IGF2BP3: variants seen among roughly 807,000 people sequenced by gnomAD.
IGF2BP3 encodes the protein insulin like growth factor 2 mRNA binding protein 3.
A neutral mutation model predicts 73.8 loss-of-function variants in IGF2BP3; 9 were observed. The observed-to-expected ratio is 0.12, with a 90% CI of 0.07 to 0.21. IGF2BP3 has a LOEUF of 0.21. IGF2BP3 is among the 10% of genes least tolerant of loss of function. The pLI is 1.00. For synonymous variants in IGF2BP3, 258 were observed against 256.7 expected, an observed-to-expected ratio of 1.01 and a Z score of -0.05; for missense variants, 542 against 714.0, an observed-to-expected ratio of 0.76 and a Z score of 2.75.
chr7:23,383,511 A>C (rs1785979047), intron 3 of IGF2BP3, among the ~76,000 whole-genome samples: 1 of 152,218 alleles, frequency 6.6e-6, no homozygotes, highest in South Asian at 2.1e-4. Flanking sequence ...AAGAGATTAG[A>C]ACCATCTTAT....
At chr7:23,317,914 CG>C in intron 11 of IGF2BP3, 1 of 580,644 alleles carries the variant, frequency 1.7e-6, no homozygotes, top group South Asian at 2.1e-5. Flanking sequence ...TATTCTGTGC[CG>C]GGCCCTAATG....
At chr7:23,446,300 T>G (rs34113317) in intron 2 of IGF2BP3, among the ~76,000 whole-genome samples, 56,055 of 152,084 alleles carry the variant, frequency 0.37, 10,679 homozygotes, top group Middle Eastern at 0.43. Flanking sequence ...GCTCATACCT[T>G]TATGTAATCC....
At chr7:23,322,341 T>C (rs1029345977) in intron 10 of IGF2BP3, among the ~76,000 whole-genome samples, 3 of 151,924 alleles carry the variant, frequency 2.0e-5, no homozygotes, top group African/African-American at 7.3e-5. Context: ...ATGAAGTGAA[T>C]GAAATGAAGC....
intron 12 of IGF2BP3, 101 bp downstream of exon 12, chr7:23,317,538 G>A (rs1221968709): frequency 3.2e-5 from 26 of 816,580 alleles, no homozygotes; most frequent in African/African-American, 5.1e-5. Flanking sequence ...AATTTCCATT[G>A]ACTCTTTCTG....
chr7:23,396,001 C>T (rs1253313651), intron 3 of IGF2BP3, among the ~76,000 whole-genome samples: 1 of 151,226 alleles, frequency 6.6e-6, no homozygotes, highest in Non-Finnish European at 1.5e-5. Flanking sequence ...TTTCTTATAC[C>T]CATCCCCCTA....
chr7:23,415,859 TTCTCCCTGGTGAAA>T (rs1209510481), intron 3 of IGF2BP3, among the ~76,000 whole-genome samples: 1 of 152,222 alleles, frequency 6.6e-6, no homozygotes, highest in Admixed American at 6.5e-5. Context: ...ACCTGTGTGA[TTCTCCCTGGTGAAA>T]TACCGAGTAT....
intron 5 of IGF2BP3, among the ~76,000 whole-genome samples, chr7:23,361,024 G>A (rs1483381624): frequency 1.3e-5 from 2 of 152,122 alleles, no homozygotes; most frequent in Non-Finnish European, 2.9e-5. Flanking sequence ...TTACTGCACT[G>A]GAATATATTT....
chr7:23,425,891 G>C (rs1562745949), intron 2 of IGF2BP3, among the ~76,000 whole-genome samples: 1 of 151,190 alleles, frequency 6.6e-6, no homozygotes, highest in Non-Finnish European at 1.5e-5. Flanking sequence ...CTGAGCCCTA[G>C]GGAGGTCGAG....
intron 2 of IGF2BP3, among the ~76,000 whole-genome samples, chr7:23,448,247 C>T (rs544778825): frequency 3.9e-5 from 6 of 152,258 alleles, no homozygotes; most frequent in Non-Finnish European, 8.8e-5. Flanking sequence ...GAAACAAATG[C>T]TATTCATTTC....
chr7:23,323,991 TA>T (rs1249466737), intron 10 of IGF2BP3, among the ~76,000 whole-genome samples: 2 of 151,900 alleles, frequency 1.3e-5, no homozygotes, highest in Non-Finnish European at 2.9e-5. Flanking sequence ...ATTGACACCC[TA>T]ACATCACAAT....
At chr7:23,433,511 G>C (rs549716166) in intron 2 of IGF2BP3, among the ~76,000 whole-genome samples, 244 of 149,836 alleles carry the variant, frequency 1.6e-3, no homozygotes, top group African/African-American at 5.6e-3. Context: ...TTGAGACAGG[G>C]TTTTTGCTCT....
chr7:23,366,541 A>C (rs1487894304), intron 3 of IGF2BP3, among the ~76,000 whole-genome samples: 1 of 151,506 alleles, frequency 6.6e-6, no homozygotes, highest in Admixed American at 6.6e-5. Flanking sequence ...GCATGGCTTT[A>C]AAACAAAGTA....
At chr7:23,366,708 T>C (rs1322174644) in intron 3 of IGF2BP3, among the ~76,000 whole-genome samples, 1 of 152,136 alleles carries the variant, frequency 6.6e-6, no homozygotes, top group Non-Finnish European at 1.5e-5. Flanking sequence ...CAGTGGATCT[T>C]TGATGTCTTA....
At chr7:23,342,450 C>G (rs1424559544) in intron 9 of IGF2BP3, among the ~76,000 whole-genome samples, 1 of 152,142 alleles carries the variant, frequency 6.6e-6, no homozygotes, top group Non-Finnish European at 1.5e-5. Context: ...GCTTTCCTTT[C>G]CCTTATGACT....
intron 3 of IGF2BP3, chr7:23,415,256 C>G: frequency 4.2e-6 from 1 of 240,026 alleles, no homozygotes; most frequent in South Asian, 3.8e-5. Context: ...ACCCATCAGT[C>G]GGCATCACCG....
chr7:23,444,109 A>C (rs1378105847), intron 2 of IGF2BP3, among the ~76,000 whole-genome samples: 2 of 152,200 alleles, frequency 1.3e-5, no homozygotes, highest in African/African-American at 4.8e-5. Context: ...GCTATTTAAA[A>C]AGACTGCTCT....
At position 23,452,880 on chromosome 7, in the gene IGF2BP3, G is replaced by A. The variant is rs528029613; in HGVS notation, c.236+15602C>T. On this transcript the variant is annotated intron_variant, in intron 2 of 14. Coordinates refer to ENST00000258729, the MANE Select transcript of IGF2BP3 (RefSeq NM_006547.3). ...TATAATCCCAGCACTTTGGGAGGCC[G>A]AGGCAGGCAGATAACGAGGTCAGGA... Among the ~76,000 whole-genome samples the A allele has an allele frequency of 2.4e-3, 365 of 151,014 alleles. 1 individual carries two copies. The highest frequency in any genetic ancestry group is 3.8e-3 in the Admixed American group (57 of 15,150).
At chr7:23,430,990 CTG>C (rs1472419556) in intron 2 of IGF2BP3, among the ~76,000 whole-genome samples, 4 of 152,334 alleles carry the variant, frequency 2.6e-5, no homozygotes, top group Admixed American at 6.5e-5. Context: ...GCTTATGACA[CTG>C]TTCACTGAAA....
chr7:23,380,850 G>A (rs567796264), intron 3 of IGF2BP3, among the ~76,000 whole-genome samples: 1 of 152,340 alleles, frequency 6.6e-6, no homozygotes, highest in Admixed American at 6.5e-5. Context: ...TAGAGGCTAG[G>A]AGGAAGTCTT....
Sources: gnomAD v4.1 joint callset for allele counts (sites outside exome capture counted in the v4.1 genomes callset) on GRCh38, gnomAD v4.1.1 for gene constraint, MANE v1.5 for transcripts, NCBI Gene and HGNC (gene_info 2026-07-23, HGNC 2026-07-21) for gene names.